The following CPVL variants were observed in gnomAD, a reference collection of about 807,000 sequenced individuals.
CPVL encodes probable serine carboxypeptidase CPVL.
CPVL carries 51 observed loss-of-function variants against 63.7 expected under a neutral mutation model. The ratio of observed to expected loss-of-function variants is 0.80; its 90% CI spans 0.64 to 1.01. The LOEUF (loss-of-function observed/expected upper bound fraction) is 1.01. Among genes scored for constraint, CPVL ranks in the 50% least tolerant of loss-of-function variants. The pLI is 0.00. For missense variants in CPVL, 530 were observed against 573.1 expected (o/e 0.92, Z 0.77); for synonymous variants, 195 against 206.0 (o/e 0.95, Z 0.46).
chr7:29,045,938 G>T (rs1789565524), intron 11 of CPVL, among the ~76,000 whole-genome samples: 1 of 152,100 alleles, frequency 6.6e-6, no homozygotes, highest in African/African-American at 2.4e-5. Context: ...AATGACCTGG[G>T]TGTTAAGATT....
At chr7:29,006,147 T>C (rs934596244) in intron 12 of CPVL, among the ~76,000 whole-genome samples, 5 of 152,112 alleles carry the variant, frequency 3.3e-5, no homozygotes, top group African/African-American at 1.2e-4. Flanking sequence ...ACTGTGCACA[T>C]TGCTGCCCAA....
intron 3 of CPVL, among the ~76,000 whole-genome samples, chr7:29,099,094 TAAAA>T (rs1395906303): frequency 6.6e-6 from 1 of 151,810 alleles, no homozygotes; most frequent in African/African-American, 2.4e-5. Context: ...ATAAATAAAA[TAAAA>T]ATTGAAAAAA....
At position 29,120,988 on chromosome 7, in the gene CPVL, C is replaced by T. The variant is rs34219043; in HGVS notation, c.74G>A (p.Arg25His). ...CATGGAAACACTTCTGTATAGGGAG[C>T]GAAACAGCCCATCACAGGGGCCAGG... ...LMPGPCDGLFRSLYRSVSMPP... is the reference protein window; with the variant it reads ...LMPGPCDGLFHSLYRSVSMPP... Residue 25 changes from arginine to histidine, a missense_variant, in exon 2 of 13, where the codon CGC becomes CAC. Arg to His is a conservative substitution (Grantham distance 29, BLOSUM62 0). Transcript: ENST00000265394. 284,458 of 1,612,860 alleles carry T rather than the reference C, an allele frequency of 0.18. 27,511 individuals carry two copies. The highest frequency in any genetic ancestry group is 0.22 in the Middle Eastern group (1,317 of 6,062).
At chr7:29,080,046 G>T (rs1418073082) in intron 7 of CPVL, among the ~76,000 whole-genome samples, 2 of 152,082 alleles carry the variant, frequency 1.3e-5, no homozygotes, top group African/African-American at 4.8e-5. Flanking sequence ...AGATGGCCCT[G>T]GAAAACAACG....
At chr7:29,188,861 T>C (rs1799038024) in intron 1 of CPVL, among the ~76,000 whole-genome samples, 1 of 152,158 alleles carries the variant, frequency 6.6e-6, no homozygotes, top group African/African-American at 2.4e-5. Context: ...TTTAAAAATT[T>C]GTCCCAGTTG....
At chr7:29,140,307 A>G (rs1444712827) in intron 1 of CPVL, among the ~76,000 whole-genome samples, 1 of 152,186 alleles carries the variant, frequency 6.6e-6, no homozygotes, top group African/African-American at 2.4e-5. Flanking sequence ...GCTTCTACCC[A>G]CACTCTTCTA....
At chr7:29,062,320 G>T (rs1782694825) in intron 11 of CPVL, among the ~76,000 whole-genome samples, 1 of 152,114 alleles carries the variant, frequency 6.6e-6, no homozygotes, top group African/African-American at 2.4e-5. Flanking sequence ...CAGAGGAGAG[G>T]ACAAACAGCA....
At chr7:29,190,864 G>A (rs1270067291) in intron 1 of CPVL, among the ~76,000 whole-genome samples, 3 of 151,708 alleles carry the variant, frequency 2.0e-5, no homozygotes, top group African/African-American at 7.3e-5. Context: ...AACATCCACT[G>A]AGCACCTATT....
At chr7:29,091,174 T>G (rs1306317669) in intron 6 of CPVL, among the ~76,000 whole-genome samples, 1 of 152,142 alleles carries the variant, frequency 6.6e-6, no homozygotes, top group Non-Finnish European at 1.5e-5. Flanking sequence ...TCCCTTTACA[T>G]GTCAGGAAAG....
At chr7:29,120,229 C>T (rs1047471857) in intron 2 of CPVL, among the ~76,000 whole-genome samples, 1 of 152,104 alleles carries the variant, frequency 6.6e-6, no homozygotes, top group African/African-American at 2.4e-5. Flanking sequence ...CAAAACTAGC[C>T]TGGCCAACAT....
At chr7:29,119,642 C>T (rs1330145445) in intron 2 of CPVL, among the ~76,000 whole-genome samples, 1 of 152,134 alleles carries the variant, frequency 6.6e-6, no homozygotes, top group Non-Finnish European at 1.5e-5. Context: ...TGGAGAACAA[C>T]TTATAGAGTA....
chr7:29,084,756 T>C (rs1785050728), intron 7 of CPVL, among the ~76,000 whole-genome samples: 1 of 152,236 alleles, frequency 6.6e-6, no homozygotes, highest in Non-Finnish European at 1.5e-5. Context: ...AAAAATAGAA[T>C]TCTTTTAACT....
intron 1 of CPVL, among the ~76,000 whole-genome samples, chr7:29,124,688 T>C (rs1427495713): frequency 6.6e-6 from 1 of 152,094 alleles, no homozygotes; most frequent in South Asian, 2.1e-4. Context: ...ATTAAAATGA[T>C]TCTACTAAGA....
chr7:29,149,246 G>A (rs992231606), upstream of CPVL, among the ~76,000 whole-genome samples: 1 of 127,954 alleles, frequency 7.8e-6, no homozygotes. Flanking sequence ...AGGCTGGACT[G>A]CAATGTCGCA....
At chr7:29,108,110 C>T (rs1291455076) in intron 3 of CPVL, among the ~76,000 whole-genome samples, 9 of 152,210 alleles carry the variant, frequency 5.9e-5, no homozygotes, top group East Asian at 3.9e-4. Flanking sequence ...CAGCACCTCA[C>T]GGGCCTCAGC....
At chr7:29,082,297 G>A (rs67639176) in intron 7 of CPVL, 16,103 of 152,228 alleles carry the variant, frequency 0.11, 1,074 homozygotes, top group Middle Eastern at 0.15. Flanking sequence ...AAGTGATCTA[G>A]TTTAACAACT....
At chr7:29,151,345 T>G (rs1793567952), upstream of CPVL, among the ~76,000 whole-genome samples, 1 of 152,196 alleles carries the variant, frequency 6.6e-6, no homozygotes, top group Non-Finnish European at 1.5e-5. Flanking sequence ...CCTTTGACGA[T>G]CCAGATGGTT....
intron 5 of CPVL, among the ~76,000 whole-genome samples, chr7:29,151,625 G>C (rs1400153825): frequency 6.6e-6 from 1 of 152,148 alleles, no homozygotes; most frequent in Non-Finnish European, 1.5e-5. Context: ...AGCCCTGCGA[G>C]GTATATATTG....
intron 1 of CPVL, chr7:29,194,116 C>G (rs1783249379): frequency 6.5e-6 from 1 of 152,702 alleles, no homozygotes; most frequent in South Asian, 2.1e-4. Flanking sequence ...CGCCTTCGCC[C>G]TCTGGATCCC....
Sources: gnomAD v4.1 joint callset for allele counts (sites outside exome capture counted in the v4.1 genomes callset) on GRCh38, gnomAD v4.1.1 for gene constraint, MANE v1.5 for transcripts, NCBI Gene and HGNC (gene_info 2026-07-23, HGNC 2026-07-21) for gene names.